The following IL2RA variants were observed in gnomAD, a reference collection of about 807,000 sequenced individuals.
IL2RA encodes interleukin-2 receptor subunit alpha.
IL2RA carries 24 observed loss-of-function variants against 37.8 expected under a neutral mutation model. The ratio of observed to expected loss-of-function variants is 0.63; its 90% CI spans 0.46 to 0.89. The LOEUF (loss-of-function observed/expected upper bound fraction) is 0.89. IL2RA is among the 40% of genes least tolerant of loss of function. The pLI, the probability that IL2RA is intolerant of heterozygous loss-of-function variation, is 0.00. For synonymous variants in IL2RA, 125 were observed against 114.6 expected (o/e 1.09, Z -0.58); for missense variants, 319 against 348.6 (o/e 0.92, Z 0.68).
intron 1 of IL2RA, among the ~76,000 whole-genome samples, chr10:6,042,389 A>G (rs1158244382): frequency 2.0e-5 from 3 of 152,168 alleles, no homozygotes; most frequent in South Asian, 4.1e-4. Context: ...TATTTAACCA[A>G]TAGACAGTAG....
rs1430083459 is a variant in IL2RA at position 6,047,213 on chromosome 10, G to A, written c.64+14875C>T. Among the ~76,000 whole-genome samples the A allele has an allele frequency of 6.6e-6, 1 of 152,180 alleles. No individual in the cohort carries two copies. The highest frequency in any genetic ancestry group is 2.4e-5 in the African/African-American group (1 of 41,448). The stretch of plus-strand genomic sequence containing the variant: ...GGTTAATCAGACCATGTGGACACAG[G>A]TAGCCCAAGGAACAACCCCCATGCC... On this transcript the variant is annotated intron_variant, in intron 1 of 7. Transcript: ENST00000379959. The surrounding 1 kb of genome is among the most constrained non-coding windows in gnomAD (Gnocchi z 5.0).
chr10:6,012,670 C>T lies in IL2RA; in HGVS notation c.*202G>A, dbSNP rs572213760. On this transcript the variant is annotated 3_prime_UTR_variant, in exon 8 of 8. Coordinates refer to ENST00000379959, the MANE Select transcript of IL2RA (RefSeq NM_000417.3). This position sits in a 1 kb window ranked among gnomAD's most constrained non-coding sequence, Gnocchi z 4.8. ...TATTTAGAAGTGGGTAGCGCTCGCTCTCTGATGGGACTGAGCTGGCATAGA... is the reference window on the plus strand; with the variant it reads ...TATTTAGAAGTGGGTAGCGCTCGCTTTCTGATGGGACTGAGCTGGCATAGA... 7.0e-5 allele frequency: 45 copies of T among 641,606 alleles called. No individual in the cohort carries two copies. Among genetic ancestry groups the T allele is most frequent in the African/African-American group, 1.1e-4 (6 of 54,932 alleles). 39.7% of individuals were successfully genotyped at this position (641,606 alleles called of 1,614,324 possible).
chr10:6,026,856 G>A (rs1188666589), intron 1 of IL2RA, among the ~76,000 whole-genome samples: 2 of 152,192 alleles, frequency 1.3e-5, no homozygotes, highest in Non-Finnish European at 2.9e-5. Context: ...AAGCCCACAC[G>A]GAGGCTGATC....
Position 6,013,566 on chromosome 10 carries a change from C to T in IL2RA, c.795-670G>A, listed in dbSNP as rs12722707. On this transcript the variant is annotated intron_variant, in intron 7 of 7. Coordinates refer to ENST00000379959, the MANE Select transcript of IL2RA (RefSeq NM_000417.3). ...TGTTTAACAAGCAGCTCTCTGATGA[C>T]GGTTGCCTGTCTTCCCTGGTGTCAA... is the stretch of plus-strand genomic sequence containing the variant. 7.1e-3 allele frequency among the ~76,000 whole-genome samples: 1,082 copies of T among 152,234 alleles called. 17 individuals are homozygous for T. The highest frequency in any genetic ancestry group is 0.024 in the African/African-American group (998 of 41,542).
chr10:6,017,597 A>G (rs1387316392), intron 7 of IL2RA, among the ~76,000 whole-genome samples: 1 of 53,588 alleles, frequency 1.9e-5, no homozygotes, highest in Non-Finnish European at 3.7e-5. Flanking sequence ...TTTTTTTGAG[A>G]CAGAGTCTTG....
intron 1 of IL2RA, among the ~76,000 whole-genome samples, chr10:6,052,727 G>C (rs1289342693): frequency 6.6e-6 from 1 of 152,192 alleles, no homozygotes; most frequent in Non-Finnish European, 1.5e-5. Context: ...GCTTCTGAAG[G>C]AGGTATCTAT....
In IL2RA at chr10:6,021,172, A is replaced by G. The variant is rs1309043301; in HGVS notation, c.583+306T>C. ...CCTTGGTGGCTTAGAGAAGTAGTGG[A>G]CTTAGGACCAACTACGAGGCAGCAT... On this transcript the variant is annotated intron_variant, in intron 4 of 7. Transcript: ENST00000379959. This position sits in a 1 kb window ranked among gnomAD's most constrained non-coding sequence, Gnocchi z 4.9. 6.6e-6 allele frequency among the ~76,000 whole-genome samples: 1 copy of G among 151,926 alleles called. No homozygotes were observed. Among genetic ancestry groups the G allele is most frequent in the Non-Finnish European group, 1.5e-5 (1 of 67,972 alleles).
At chr10:6,050,884 G>C (rs924969410) in intron 1 of IL2RA, among the ~76,000 whole-genome samples, 14 of 152,154 alleles carry the variant, frequency 9.2e-5, no homozygotes, top group Admixed American at 6.5e-4. Context: ...GACGCTGGGA[G>C]AGGGAAAGTG....
intron 1 of IL2RA, among the ~76,000 whole-genome samples, chr10:6,050,792 C>CGAG (rs1564552255): frequency 1.3e-5 from 2 of 152,134 alleles, no homozygotes; most frequent in African/African-American, 4.8e-5. Context: ...CAGTGCAGGA[C>CGAG]GAGGAGGAGG....
At position 6,014,232 on chromosome 10, in the gene IL2RA, G is replaced by A. The variant is rs1403622489; in HGVS notation, c.795-1336C>T. 6.6e-6 allele frequency among the ~76,000 whole-genome samples: 1 copy of A among 152,116 alleles called. No homozygotes were observed. Among genetic ancestry groups the A allele is most frequent in the African/African-American group, 2.4e-5 (1 of 41,404 alleles). On this transcript the variant is annotated intron_variant, in intron 7 of 7. Transcript: ENST00000379959. This position sits in a 1 kb window ranked among gnomAD's most constrained non-coding sequence, Gnocchi z 4.4. ...GTGAGCCTTCTGTAGCACATCACGG[G>A]CTCCTGGTCATTGCCCGAAACAAAC...
chr10:6,019,644 C>T, intron 5 of IL2RA, 145 bp from the exon 6 acceptor site: 1 of 784,192 alleles, frequency 1.3e-6, no homozygotes, highest in Non-Finnish European at 2.2e-6. Flanking sequence ...GGTGTTCCAT[C>T]TCTGCCTGGG....
Position 6,018,311 on chromosome 10 carries a change from G to A in IL2RA, c.728-192C>T, listed in dbSNP as rs1449064556. On this transcript the variant is annotated intron_variant, in intron 6 of 7. Transcript: ENST00000379959. This position sits in a 1 kb window ranked among gnomAD's most constrained non-coding sequence, Gnocchi z 5.1. Reference sequence around the variant, plus strand: ...GAGTCTTGAGGAACAGGGCAGGGAGGACAGGGTGAGGGTGGAGGGAGCTTC... The same window carrying A: ...GAGTCTTGAGGAACAGGGCAGGGAGAACAGGGTGAGGGTGGAGGGAGCTTC... 6.6e-6 allele frequency among the ~76,000 whole-genome samples: 1 copy of A among 152,144 alleles called. No homozygotes were observed. Among genetic ancestry groups the A allele is most frequent in the Non-Finnish European group, 1.5e-5 (1 of 68,028 alleles).
chr10:6,033,675 ATAAGC>A lies in IL2RA; in HGVS notation c.65-7655_65-7651del, dbSNP rs1383899954. Among the ~76,000 whole-genome samples, 1 of 152,262 alleles carries A rather than the reference ATAAGC, an allele frequency of 6.6e-6. No homozygotes were observed. Among genetic ancestry groups the A allele is most frequent in the African/African-American group, 2.4e-5 (1 of 41,468 alleles). ...TCTCAAAAATGTTATGTTGAACAAA[ATAAGC>A]TAAACACGAAATAGTGCATACACTT... On this transcript the variant is annotated intron_variant, in intron 1 of 7. Coordinates refer to ENST00000379959, the MANE Select transcript of IL2RA (RefSeq NM_000417.3). This position sits in a 1 kb window ranked among gnomAD's most constrained non-coding sequence, Gnocchi z 4.3.
rs1817170079 is a variant in IL2RA, at chr10:6,054,911, G to A, written c.64+7177C>T. ...AGAGTCTCACTATGTTGCCCAGGCT[G>A]GTTTTGAACTCCTGGGCTCATGGGA... is the stretch of plus-strand genomic sequence containing the variant. On this transcript the variant is annotated intron_variant, in intron 1 of 7. Coordinates refer to ENST00000379959, the MANE Select transcript of IL2RA (RefSeq NM_000417.3). This position sits in a 1 kb window ranked among gnomAD's most constrained non-coding sequence, Gnocchi z 4.5. Among the ~76,000 whole-genome samples, 1 of 152,098 alleles carries A rather than the reference G, an allele frequency of 6.6e-6. No homozygotes were observed. Among genetic ancestry groups the A allele is most frequent in the Non-Finnish European group, 1.5e-5 (1 of 68,018 alleles).
chr10:6,052,906 G>C (rs1005818136), intron 1 of IL2RA, among the ~76,000 whole-genome samples: 1 of 152,094 alleles, frequency 6.6e-6, no homozygotes, highest in African/African-American at 2.4e-5. Context: ...AGCTGCTCTG[G>C]GGGTAGAAGG....
chr10:6,056,848 G>C lies in IL2RA; in HGVS notation c.64+5240C>G, dbSNP rs1377727349. On this transcript the variant is annotated intron_variant, in intron 1 of 7. Transcript: ENST00000379959. This position sits in a 1 kb window ranked among gnomAD's most constrained non-coding sequence, Gnocchi z 5.0. The stretch of plus-strand genomic sequence containing the variant: ...CTCATGTAAAACTTCTCCCATGGGA[G>C]ACAAGGACATTGTTTGAGGGGAAAA... Among the ~76,000 whole-genome samples the C allele has an allele frequency of 6.6e-6, 1 of 152,184 alleles. No homozygotes were observed.
rs1225838828 is a variant in IL2RA, at chr10:6,062,081, C to A, written c.64+7G>T. 22 of 1,613,304 alleles carry A rather than the reference C, an allele frequency of 1.4e-5. No homozygotes were observed. The highest frequency in any genetic ancestry group is 1.8e-5 in the Non-Finnish European group (21 of 1,179,254). On this transcript the variant is annotated splice_region_variant and intron_variant, in intron 1 of 7. Transcript: ENST00000379959. ...CCGGAATTCCGGGGGCACCCACAGG[C>A]CCTTACCTGCCTGGCAGCCAGGCAC...
At chr10:6,051,554 C>G in intron 1 of IL2RA, among the ~76,000 whole-genome samples, 1 of 141,812 alleles carries the variant, frequency 7.1e-6, no homozygotes. Flanking sequence ...GAGTTTCCCT[C>G]TGTCACCCAG....
In IL2RA at chr10:6,062,261, G is replaced by T. The variant is rs967152763; in HGVS notation, c.-110C>A. The T allele has an allele frequency of 2.9e-5, 26 of 908,458 alleles. No homozygotes were observed. Among genetic ancestry groups the T allele is most frequent in the Non-Finnish European group, 4.0e-5 (22 of 554,220 alleles). 56.3% of individuals were successfully genotyped at this position (908,458 alleles called of 1,614,324 possible). Reference sequence around the variant, plus strand: ...CATCGCGCCGGAGGATGTGGGATGGGAAGATCGGTCCGCCTGGGCTGTCAC... The same window carrying T: ...CATCGCGCCGGAGGATGTGGGATGGTAAGATCGGTCCGCCTGGGCTGTCAC... On this transcript the variant is annotated 5_prime_UTR_variant, in exon 1 of 8. Transcript: ENST00000379959.
Sources: allele counts gnomAD v4.1 joint callset (sites outside exome capture counted in the v4.1 genomes callset), GRCh38; gene constraint gnomAD v4.1.1; non-coding constraint Gnocchi (gnomAD v3.1); transcripts MANE v1.5; gene names NCBI Gene and HGNC (gene_info 2026-07-23, HGNC 2026-07-21).